The following PPFIBP1 variants were observed in gnomAD, a reference collection of about 807,000 sequenced individuals.
The protein encoded by PPFIBP1 is PPFIB scaffold protein 1, also known as liprin-beta-1.
Under a neutral mutation model 137.8 loss-of-function variants are expected in PPFIBP1, and 112 were observed. The ratio of observed to expected loss-of-function variants is 0.81; its 90% confidence interval spans 0.70 to 0.95. The LOEUF is 0.95. PPFIBP1 is among the 40% of genes least tolerant of loss of function. The pLI is 0.00. For missense variants in PPFIBP1, 1,083 were observed against 1,196.6 expected (o/e 0.91, Z 1.40); for synonymous variants, 378 against 417.3 (o/e 0.91, Z 1.15).
At chr12:27,652,150 G>A (rs2058913274) in intron 7 of PPFIBP1, among the ~76,000 whole-genome samples, 1 of 152,040 alleles carries the variant, frequency 6.6e-6, no homozygotes, top group Admixed American at 6.5e-5. Flanking sequence ...ATTTTTCTGG[G>A]TGTTTCATGA....
At chr12:27,612,103 G>C (rs2055180837) in intron 2 of PPFIBP1, among the ~76,000 whole-genome samples, 1 of 152,142 alleles carries the variant, frequency 6.6e-6, no homozygotes, top group Non-Finnish European at 1.5e-5. Context: ...GCTTTGGACT[G>C]AATGTTTATT....
chr12:27,628,835 A>G (rs141516588), intron 2 of PPFIBP1, among the ~76,000 whole-genome samples: 123 of 152,348 alleles, frequency 8.1e-4, no homozygotes, highest in African/African-American at 2.9e-3. Flanking sequence ...AGAGAAATAA[A>G]GAAGAGAACT....
At chr12:27,680,134 T>G in intron 21 of PPFIBP1, 73 bp downstream of exon 21, 3 of 1,562,246 alleles carry the variant, frequency 1.9e-6, no homozygotes, top group Non-Finnish European at 2.6e-6. Flanking sequence ...GCAGTATTAG[T>G]ACTGTCATTG....
At chr12:27,541,837 T>A (rs1332099346) in intron 1 of PPFIBP1, among the ~76,000 whole-genome samples, 1 of 152,166 alleles carries the variant, frequency 6.6e-6, no homozygotes, top group Non-Finnish European at 1.5e-5. Context: ...AATCCAGAGC[T>A]TCCGACTCCA....
intron 2 of PPFIBP1, among the ~76,000 whole-genome samples, chr12:27,623,526 C>T (rs1023402040): frequency 1.3e-5 from 2 of 152,000 alleles, no homozygotes; most frequent in African/African-American, 4.8e-5. Flanking sequence ...TATAGCGAGA[C>T]CTGGCCTCTA....
intron 2 of PPFIBP1, among the ~76,000 whole-genome samples, chr12:27,605,447 A>G (rs78667337): frequency 0.012 from 1,767 of 152,300 alleles, 39 homozygotes; most frequent in African/African-American, 0.04. Flanking sequence ...GCACTGTCCA[A>G]TAAAAATGTA....
chr12:27,682,248 T>C (rs921746847), intron 22 of PPFIBP1, 139 bp from the exon 23 acceptor site: 6 of 677,102 alleles, frequency 8.9e-6, no homozygotes, highest in African/African-American at 7.2e-5. Context: ...AACAACACTT[T>C]ACTAGCCCAA....
At chr12:27,592,732 G>C (rs1565830370) in intron 2 of PPFIBP1, 23 of 1,032,206 alleles carry the variant, frequency 2.2e-5, no homozygotes, top group Non-Finnish European at 3.5e-5. Flanking sequence ...TTGGCTGGCA[G>C]TTGCCTGGCT....
At chr12:27,593,673 CT>C in intron 2 of PPFIBP1, 1 of 552,752 alleles carries the variant, frequency 1.8e-6, no homozygotes. Context: ...TAGTTTTGTC[CT>C]CTCTTTTGGG....
intron 1 of PPFIBP1, among the ~76,000 whole-genome samples, chr12:27,571,988 A>G (rs906721896): frequency 2.0e-5 from 3 of 152,210 alleles, no homozygotes. Flanking sequence ...CTCTGAGGAC[A>G]TGATGACTGA....
In PPFIBP1 at chr12:27,693,070, T is replaced by C. The variant is rs2061648140; in HGVS notation, c.*188T>C. ...GAAGTTGCCACAAAAAATAAGACAC[T>C]GGTGAATGAGAGTATAATTGTTTTT... On this transcript the variant is annotated 3_prime_UTR_variant, in exon 30 of 30. Transcript: ENST00000228425. The C allele has an allele frequency of 1.3e-6, 1 of 755,888 alleles. No homozygotes were observed. Among genetic ancestry groups the C allele is most frequent in the Non-Finnish European group, 2.0e-6 (1 of 505,708 alleles). 46.8% of individuals were successfully genotyped at this position (755,888 alleles called of 1,614,324 possible).
chr12:27,691,908 G>C lies in PPFIBP1; in HGVS notation c.2845G>C (p.Asp949His), dbSNP rs1235165084. 6.2e-7 allele frequency: 1 copy of C among 1,612,018 alleles called. No homozygotes were observed. Among genetic ancestry groups the C allele is most frequent in the African/African-American group, 1.3e-5 (1 of 74,992 alleles). Residue 949 changes from aspartate (D) to histidine (H), a missense_variant, in exon 28 of 30, where the codon GAT (aspartate) becomes CAT (histidine). Physicochemically the swap from Asp to His is moderately conservative, Grantham distance 81 (BLOSUM62 -1). Coordinates refer to ENST00000228425, the MANE Select transcript of PPFIBP1 (RefSeq NM_003622.4). ...GLDMRLYEED[D>H]LDRLEQMEDS... ...GGATATGCGCCTGTATGAGGAAGAT[G>C]ATTTGGACCGGTTAGAGCAGGTAAA...
At chr12:27,583,765 A>G (rs1354950088) in intron 2 of PPFIBP1, among the ~76,000 whole-genome samples, 1 of 152,230 alleles carries the variant, frequency 6.6e-6, no homozygotes, top group Non-Finnish European at 1.5e-5. Flanking sequence ...CCAGCAGAAC[A>G]GCAATCTCTT....
intron 2 of PPFIBP1, among the ~76,000 whole-genome samples, chr12:27,610,261 T>C (rs1476574445): frequency 2.0e-5 from 3 of 152,226 alleles, no homozygotes; most frequent in African/African-American, 4.8e-5. Flanking sequence ...TAATAATTAA[T>C]ATGAAAAGCT....
intron 2 of PPFIBP1, among the ~76,000 whole-genome samples, chr12:27,602,558 T>C (rs1276559356): frequency 2.0e-5 from 3 of 152,208 alleles, no homozygotes; most frequent in Non-Finnish European, 4.4e-5. Flanking sequence ...CTGAGCTAGA[T>C]AGACTCTTAT....
At chr12:27,671,694 C>T in intron 14 of PPFIBP1, 148 bp downstream of exon 14, 1 of 530,818 alleles carries the variant, frequency 1.9e-6, no homozygotes. Flanking sequence ...GTAATCAGTT[C>T]TGTATTATGG....
intron 2 of PPFIBP1, among the ~76,000 whole-genome samples, chr12:27,607,786 G>A (rs1388731614): frequency 1.3e-5 from 2 of 152,172 alleles, no homozygotes; most frequent in Non-Finnish European, 2.9e-5. Flanking sequence ...CCCACTCATA[G>A]GCTATGTTCC....
At chr12:27,642,023 G>A (rs2058146236) in intron 4 of PPFIBP1, among the ~76,000 whole-genome samples, 1 of 152,176 alleles carries the variant, frequency 6.6e-6, no homozygotes, top group East Asian at 1.9e-4. Context: ...AAAGTAGATG[G>A]TGTTCTAATG....
intron 2 of PPFIBP1, chr12:27,593,961 A>C (rs567415598): frequency 1.4e-6 from 2 of 1,443,584 alleles, no homozygotes; most frequent in East Asian, 5.1e-5. Context: ...CAGGGGAAAT[A>C]GCCCACAGAG....
Sources: gnomAD v4.1 joint callset for allele counts (sites outside exome capture counted in the v4.1 genomes callset) on GRCh38, gnomAD v4.1.1 for gene constraint, MANE v1.5 for transcripts, NCBI Gene and HGNC (gene_info 2026-07-23, HGNC 2026-07-21) for gene names.